DLG2: variants seen among roughly 807,000 people sequenced by gnomAD.
DLG2 encodes disks large homolog 2.
Under a neutral mutation model 132.5 loss-of-function variants are expected in DLG2, and 45 were observed. The observed-to-expected ratio is 0.34, with a 90% confidence interval of 0.27 to 0.44. DLG2 has a LOEUF of 0.44. Ranked by LOEUF, DLG2 falls within the 20% of genes least tolerant of loss-of-function variation. The pLI, the probability that DLG2 is intolerant of heterozygous loss-of-function variation, is 1.00. For synonymous variants in DLG2, 424 were observed against 419.6 expected (o/e 1.01, Z -0.13); for missense variants, 1,045 against 1,196.9 (o/e 0.87, Z 1.87).
intron 7 of DLG2, among the ~76,000 whole-genome samples, chr11:84,456,495 T>C (rs1020601827): frequency 1.3e-5 from 2 of 151,388 alleles, no homozygotes; most frequent in Admixed American, 1.3e-4. Context: ...GAACTAACTT[T>C]ATCCTTTTGC....
intron 18 of DLG2, among the ~76,000 whole-genome samples, chr11:83,752,139 G>A (rs113801241): frequency 2.0e-5 from 3 of 152,226 alleles, no homozygotes; most frequent in African/African-American, 7.2e-5. Context: ...ATGGTGGTGG[G>A]CTCCTGTAGT....
intron 3 of DLG2, among the ~76,000 whole-genome samples, chr11:85,320,537 A>C (rs2080989347): frequency 6.6e-6 from 1 of 151,896 alleles, no homozygotes. Flanking sequence ...GTGAGGAAAA[A>C]ATATAAAATT....
At chr11:83,559,696 T>A (rs567273844) in intron 19 of DLG2, among the ~76,000 whole-genome samples, 1 of 152,350 alleles carries the variant, frequency 6.6e-6, no homozygotes, top group East Asian at 1.9e-4. Context: ...GTCTGACACA[T>A]CAAATGTAAG....
intron 6 of DLG2, among the ~76,000 whole-genome samples, chr11:84,897,388 C>A (rs948889): frequency 6.6e-6 from 1 of 151,634 alleles, no homozygotes; most frequent in African/African-American, 2.4e-5. Context: ...AGCAATATAG[C>A]TTAAGCATGT....
chr11:83,732,122 A>C (rs1183931728), intron 18 of DLG2, among the ~76,000 whole-genome samples: 4 of 152,198 alleles, frequency 2.6e-5, no homozygotes, highest in Non-Finnish European at 4.4e-5. Context: ...CGATCTAGTT[A>C]GTATGTTAAA....
intron 4 of DLG2, among the ~76,000 whole-genome samples, chr11:85,260,743 G>C (rs1239330431): frequency 2.6e-5 from 4 of 152,122 alleles, no homozygotes; most frequent in South Asian, 2.1e-4. Context: ...CCTCACTTTT[G>C]TCTACATTCC....
chr11:84,160,366 C>T (rs2095519551), intron 9 of DLG2, among the ~76,000 whole-genome samples: 1 of 152,124 alleles, frequency 6.6e-6, no homozygotes, highest in African/African-American at 2.4e-5. Context: ...GAGGAAGCAT[C>T]AAATCCTGCT....
At chr11:84,163,596 G>A in intron 8 of DLG2, 85 bp from the exon 9 acceptor site, 1 of 1,129,510 alleles carries the variant, frequency 8.9e-7, no homozygotes, top group Non-Finnish European at 1.3e-6. Context: ...GCTTGGGGGT[G>A]AAATTTTCAT....
intron 4 of DLG2, among the ~76,000 whole-genome samples, chr11:85,265,252 G>A (rs564599821): frequency 8.9e-4 from 136 of 152,148 alleles, no homozygotes; most frequent in Non-Finnish European, 1.6e-3. Context: ...CTTAAAAACA[G>A]ACACTGTCAT....
intron 7 of DLG2, among the ~76,000 whole-genome samples, chr11:84,420,668 T>C (rs1601813402): frequency 3.4e-5 from 3 of 88,122 alleles, no homozygotes; most frequent in Admixed American, 1.2e-4. Flanking sequence ...TTTTTTTTTT[T>C]TTTTTTTTTT....
rs991637051 is a variant in DLG2, at chr11:84,452,640, C to T, written c.519+81930G>A. 1.1e-4 allele frequency among the ~76,000 whole-genome samples: 16 copies of T among 151,678 alleles called. 1 individual carries two copies. Among genetic ancestry groups the T allele is most frequent in the Admixed American group, 1.1e-3 (16 of 15,172 alleles). The stretch of plus-strand genomic sequence containing the variant: ...GATTGTATGCTACACTGAATGTAGC[C>T]TGTGAGAAAAAGAGGAGTGGCACAG... On this transcript the variant is annotated intron_variant, in intron 7 of 27. Transcript: ENST00000376104.
intron 7 of DLG2, among the ~76,000 whole-genome samples, chr11:84,354,990 G>T (rs1156414163): frequency 6.6e-6 from 1 of 152,022 alleles, no homozygotes; most frequent in Admixed American, 6.6e-5. Context: ...TTACTATATA[G>T]CAAGCATGAC....
At chr11:84,126,622 T>C (rs922558589) in intron 9 of DLG2, among the ~76,000 whole-genome samples, 2 of 152,144 alleles carry the variant, frequency 1.3e-5, no homozygotes, top group Non-Finnish European at 2.9e-5. Context: ...AGAAAAAATA[T>C]TTCAATCCAA....
At chr11:84,773,175 T>C (rs1168953581) in intron 6 of DLG2, among the ~76,000 whole-genome samples, 1 of 151,956 alleles carries the variant, frequency 6.6e-6, no homozygotes, top group African/African-American at 2.4e-5. Context: ...AACTAGAAAA[T>C]CTAAAGGAAA....
At chr11:83,646,619 T>G (rs1352302311) in intron 18 of DLG2, 1 of 152,446 alleles carries the variant, frequency 6.6e-6, no homozygotes, top group African/African-American at 2.4e-5. Context: ...GGATCTTTTC[T>G]GGTTCCTTCG....
At chr11:84,433,887 T>G (rs1410458577) in intron 7 of DLG2, among the ~76,000 whole-genome samples, 1 of 152,024 alleles carries the variant, frequency 6.6e-6, no homozygotes, top group Non-Finnish European at 1.5e-5. Flanking sequence ...GAGGCCAAGG[T>G]GGGCAGATCA....
chr11:84,502,279 CTTCTTTCT>C (rs1160344483), intron 7 of DLG2, among the ~76,000 whole-genome samples: 1 of 20,414 alleles, frequency 4.9e-5, no homozygotes, highest in Admixed American at 4.8e-4. Context: ...TCCTTCCTTC[CTTCTTTCT>C]TTCTTTCTTT....
At chr11:85,382,441 T>C (rs899106373) in intron 3 of DLG2, among the ~76,000 whole-genome samples, 1 of 152,006 alleles carries the variant, frequency 6.6e-6, no homozygotes, top group African/African-American at 2.4e-5. Context: ...AGCGTAAACC[T>C]CATGACCTTA....
chr11:83,470,998 G>T (rs1044149804), intron 24 of DLG2, among the ~76,000 whole-genome samples: 3 of 152,058 alleles, frequency 2.0e-5, no homozygotes, highest in Admixed American at 2.0e-4. Flanking sequence ...TGGTAGGGGT[G>T]GGGAGGGGAA....
Sources: gnomAD v4.1 joint callset for allele counts (sites outside exome capture counted in the v4.1 genomes callset) on GRCh38, gnomAD v4.1.1 for gene constraint, MANE v1.5 for transcripts, NCBI Gene and HGNC (gene_info 2026-07-23, HGNC 2026-07-21) for gene names.